The following SLC5A10 variants were observed in gnomAD, a reference collection of about 807,000 sequenced individuals.
The protein encoded by SLC5A10 is sodium/mannose cotransporter SLC5A10.
A neutral mutation model predicts 68.9 loss-of-function variants in SLC5A10; 55 were observed. The observed-to-expected ratio is 0.80, with a 90% confidence interval of 0.64 to 1.00. The LOEUF is 1.00. SLC5A10 is among the 50% of genes least tolerant of loss of function. SLC5A10 has a pLI of 0.00. For missense variants in SLC5A10, 732 were observed against 819.3 expected, an observed-to-expected ratio of 0.89 and a Z score of 1.30; for synonymous variants, 344 against 344.8, an observed-to-expected ratio of 1.00 and a Z score of 0.02.
chr17:18,977,339 C>T (rs1418041790), intron 9 of SLC5A10: 6 of 582,500 alleles, frequency 1.0e-5, no homozygotes, highest in South Asian at 2.2e-5. Flanking sequence ...GGTGGGGAAA[C>T]GTGCATTTTC....
chr17:18,998,530 C>T (rs573299909), intron 9 of SLC5A10, among the ~76,000 whole-genome samples: 60 of 152,332 alleles, frequency 3.9e-4, no homozygotes, highest in African/African-American at 1.3e-3. Flanking sequence ...ATGAACATGA[C>T]GGCAGGCCCT....
chr17:19,019,735 C>G lies in SLC5A10; in HGVS notation c.1433C>G (p.Ala478Gly). 1 of 1,611,680 alleles carries G rather than the reference C, an allele frequency of 6.2e-7. No individual in the cohort carries two copies. Among genetic ancestry groups the G allele is most frequent in the Non-Finnish European group, 8.5e-7 (1 of 1,179,666 alleles). Residue 478 changes from alanine to glycine, a missense_variant, in exon 13 of 15, where the codon GCA (alanine) becomes GGA (glycine). Transcript: ENST00000395645. Reference protein sequence around the residue: ...NEQGAFWGLIAGLVVGATRLV... With the variant: ...NEQGAFWGLIGGLVVGATRLV... ...CAGGGGGCCTTCTGGGGCCTGATAG[C>G]AGGGCTGGTGGTGGGGGCCACGAGG...
chr17:19,020,089 C>A, intron 13 of SLC5A10, 66 bp from the exon 14 acceptor site: 2 of 1,500,918 alleles, frequency 1.3e-6, no homozygotes, highest in Non-Finnish European at 1.8e-6. Context: ...AACCTTTGAT[C>A]CTGTCTGGGT....
chr17:19,002,564 T>C (rs2043757835), intron 9 of SLC5A10, among the ~76,000 whole-genome samples: 1 of 152,234 alleles, frequency 6.6e-6, no homozygotes, highest in Non-Finnish European at 1.5e-5. Flanking sequence ...TCCCACAACC[T>C]GAGGCCCAGA....
intron 9 of SLC5A10, among the ~76,000 whole-genome samples, chr17:19,013,130 G>T (rs2044051608): frequency 1.3e-5 from 2 of 152,230 alleles, no homozygotes; most frequent in South Asian, 4.1e-4. Flanking sequence ...GACTCTAATG[G>T]CGGACCTCAC....
intron 4 of SLC5A10, among the ~76,000 whole-genome samples, chr17:18,960,203 C>G (rs1318082126): frequency 6.6e-6 from 1 of 152,210 alleles, no homozygotes; most frequent in African/African-American, 2.4e-5. Flanking sequence ...CCTCCCTCAT[C>G]CAGCCTCATC....
intron 8 of SLC5A10, among the ~76,000 whole-genome samples, chr17:18,975,067 T>C (rs552939567): frequency 6.6e-6 from 1 of 152,254 alleles, no homozygotes; most frequent in South Asian, 2.1e-4. Context: ...TGAGCACAGA[T>C]TGGAATATAG....
At chr17:18,952,523 T>C (rs1329315283) in intron 1 of SLC5A10, 11 of 554,022 alleles carry the variant, frequency 2.0e-5, no homozygotes, top group Non-Finnish European at 2.8e-5. Flanking sequence ...GGCGTCTCCA[T>C]CTGCAAAGTG....
chr17:19,007,959 A>G (rs988031501), intron 9 of SLC5A10, among the ~76,000 whole-genome samples: 16 of 152,218 alleles, frequency 1.1e-4, no homozygotes, highest in African/African-American at 3.9e-4. Flanking sequence ...TCTGGAGAAC[A>G]CAAAGAAGGT....
intron 11 of SLC5A10, 36 bp downstream of exon 11, chr17:19,015,235 CACTA>C: frequency 1.4e-6 from 1 of 728,356 alleles, no homozygotes; most frequent in Non-Finnish European, 2.0e-6. Context: ...GGTGGGGGAA[CACTA>C]CAAGGGTGGG....
Position 19,017,150 on chromosome 17 carries a change from C to T in SLC5A10, c.1241+1951C>T. 2 of 752,072 alleles carry T rather than the reference C, an allele frequency of 2.7e-6. No homozygotes were observed. The highest frequency in any genetic ancestry group is 3.5e-5 in the South Asian group (2 of 56,478). The allele number at this position is 752,072 out of a possible 1,614,324, so 46.6% of individuals were successfully genotyped here. A position where few individuals can be genotyped will look rare whatever the true frequency, so the allele number is the denominator to read the frequency against. On this transcript the variant is annotated intron_variant, in intron 11 of 14. Transcript: ENST00000395645. The surrounding 1 kb of genome is among the most constrained non-coding windows in gnomAD (Gnocchi z 5.6). ...GTCGGCCTCCCTGAGGAGCAAGGCA[C>T]AAGGCTGCGTGGTGCAGGGCAGGTT... is the stretch of plus-strand genomic sequence containing the variant.
intron 9 of SLC5A10, among the ~76,000 whole-genome samples, chr17:19,008,752 G>T (rs770688176): frequency 1.3e-5 from 2 of 151,942 alleles, no homozygotes; most frequent in Non-Finnish European, 2.9e-5. Flanking sequence ...GCCCGCCTCA[G>T]CCTCCCAAAG....
rs377671707 is a variant in SLC5A10, at chr17:19,003,547, C to T, written c.983-9863C>T. On this transcript the variant is annotated intron_variant, in intron 9 of 14. Transcript: ENST00000395645. This position sits in a 1 kb window ranked among gnomAD's most constrained non-coding sequence, Gnocchi z 4.5. ...TCTGTGCCTGGCTGATCATCTTCCG[C>T]ACCACCTCTTTGATGTGGGCCTGCC... The T allele has an allele frequency of 6.4e-7, 1 of 1,552,522 alleles. No individual in the cohort carries two copies. The highest frequency in any genetic ancestry group is 8.7e-7 in the Non-Finnish European group (1 of 1,149,066).
intron 9 of SLC5A10, among the ~76,000 whole-genome samples, chr17:18,987,763 G>A (rs904948936): frequency 1.3e-5 from 2 of 152,244 alleles, no homozygotes; most frequent in Admixed American, 1.3e-4. Flanking sequence ...GCCCCAGCCT[G>A]AGGGAGCTTC....
chr17:18,964,092 A>C (rs2042664650), intron 5 of SLC5A10, among the ~76,000 whole-genome samples: 3 of 149,644 alleles, frequency 2.0e-5, no homozygotes, highest in African/African-American at 4.9e-5. Context: ...AAGCCTTTCC[A>C]CTCTCTCCAT....
chr17:18,977,000 C>T lies in SLC5A10; in HGVS notation c.982+11C>T. On this transcript the variant is annotated intron_variant, in intron 9 of 14. Coordinates refer to ENST00000395645, the MANE Select transcript of SLC5A10 (RefSeq NM_001042450.4). ...GCGCATTGTTCCCAGGTAGGACGGG[C>T]TCCGGGCACTGAACCCAGGCTGCAG... 1 of 1,610,746 alleles carries T rather than the reference C, an allele frequency of 6.2e-7. No homozygotes were observed. Among genetic ancestry groups the T allele is most frequent in the South Asian group, 1.1e-5 (1 of 91,056 alleles).
Position 19,022,168 on chromosome 17 carries a change from T to C in SLC5A10, c.*1737T>C, listed in dbSNP as rs376981830. 15 of 1,360,780 alleles carry C rather than the reference T, an allele frequency of 1.1e-5. No homozygotes were observed. The African/African-American group carries it at 2.0e-4, about 18-fold the overall frequency. The allele number at this position is 1,360,780 out of a possible 1,614,324, so 84.3% of individuals were successfully genotyped here. On this transcript the variant is annotated 3_prime_UTR_variant, in exon 15 of 15. Coordinates refer to ENST00000395645, the MANE Select transcript of SLC5A10 (RefSeq NM_001042450.4). ...GACTGCAAGAAGAGGAGGTGGTTAGTAGGGTGCCTTCAGAAGCCCTGCAAC... is the reference window on the plus strand; with the variant it reads ...GACTGCAAGAAGAGGAGGTGGTTAGCAGGGTGCCTTCAGAAGCCCTGCAAC...
chr17:19,008,815 T>TATTA (rs112815870), intron 9 of SLC5A10, among the ~76,000 whole-genome samples: 7,231 of 143,056 alleles, frequency 0.051, 624 homozygotes, highest in African/African-American at 0.18. Flanking sequence ...TTATTATTAT[T>TATTA]TTTTTTTTTT....
chr17:19,004,081 G>T lies in SLC5A10; in HGVS notation c.983-9329G>T. The stretch of plus-strand genomic sequence containing the variant: ...GGGCACTGCTGCCGGGGGTGGGTGG[G>T]CAAGGTCCAGCTCCTAGCTCCGGCC... On this transcript the variant is annotated intron_variant, in intron 9 of 14. Transcript: ENST00000395645. This position sits in a 1 kb window ranked among gnomAD's most constrained non-coding sequence, Gnocchi z 5.4. 5 of 1,546,852 alleles carry T rather than the reference G, an allele frequency of 3.2e-6. No individual in the cohort carries two copies. Among genetic ancestry groups the T allele is most frequent in the South Asian group, 2.5e-5 (2 of 80,382 alleles).
Sources: gnomAD v4.1 joint callset for allele counts (sites outside exome capture counted in the v4.1 genomes callset) on GRCh38, gnomAD v4.1.1 for gene constraint, Gnocchi (gnomAD v3.1) non-coding constraint, MANE v1.5 for transcripts, NCBI Gene and HGNC (gene_info 2026-07-23, HGNC 2026-07-21) for gene names.